Variants in MEGF6 observed in about 807,000 individuals in gnomAD.
MEGF6 encodes multiple EGF like domains 6.
MEGF6 carries 184 observed loss-of-function variants against 207.1 expected under a neutral mutation model. The ratio of observed to expected loss-of-function variants is 0.89; its 90% CI spans 0.79 to 1.00. MEGF6 has a LOEUF of 1.00. Among genes scored for constraint, MEGF6 ranks in the 50% least tolerant of loss-of-function variants. The probability of loss-of-function intolerance (pLI) is 0.00; values close to 1 mark genes in which losing one functional copy is unlikely to be tolerated. For synonymous variants in MEGF6, 1,038 were observed against 910.0 expected, an observed-to-expected ratio of 1.14 and a Z score of -2.53; for missense variants, 2,282 against 2,202.9, an observed-to-expected ratio of 1.04 and a Z score of -0.72.
At chr1:3,523,177 G>A (rs1641827788) in intron 5 of MEGF6, among the ~76,000 whole-genome samples, 1 of 152,126 alleles carries the variant, frequency 6.6e-6, no homozygotes, top group Admixed American at 6.5e-5. Flanking sequence ...GGGCCTCCAA[G>A]GCAGGAAGAA....
At chr1:3,624,047 AC>A in the MEGF6 span, among the ~76,000 whole-genome samples, 1 of 150,744 alleles carries the variant, frequency 6.6e-6, no homozygotes, top group Non-Finnish European at 1.5e-5. Context: ...CTCCATCCCC[AC>A]TCCCTGACTG....
At chr1:3,615,812 C>T (rs538554475), upstream of MEGF6, among the ~76,000 whole-genome samples, 1 of 152,304 alleles carries the variant, frequency 6.6e-6, no homozygotes, top group South Asian at 2.1e-4. Flanking sequence ...CACCTGGCCT[C>T]GACTGCTTCA....
At position 3,501,098 on chromosome 1, in the gene MEGF6, C is replaced by T; in HGVS notation, c.2447-4G>A. ...CCATACCAGCCTGCTGGGCACACTA[C>T]AGGCAGGCGAGAGAGGGTGAGTGGG... On this transcript the variant is annotated splice_polypyrimidine_tract_variant and splice_region_variant and intron_variant, in intron 19 of 36. Coordinates refer to ENST00000356575, the MANE Select transcript of MEGF6 (RefSeq NM_001409.4). The T allele has an allele frequency of 6.2e-7, 1 of 1,612,710 alleles. No homozygotes were observed. The highest frequency in any genetic ancestry group is 1.1e-5 in the South Asian group (1 of 91,076).
chr1:3,550,127 G>A (rs1208063126), intron 4 of MEGF6, among the ~76,000 whole-genome samples: 11 of 152,218 alleles, frequency 7.2e-5, no homozygotes, highest in African/African-American at 9.6e-5. Flanking sequence ...AACGGCTCCC[G>A]ACACAAGACA....
At chr1:3,570,657 CAAGA>C in intron 4 of MEGF6, among the ~76,000 whole-genome samples, 1 of 152,200 alleles carries the variant, frequency 6.6e-6, no homozygotes, top group Non-Finnish European at 1.5e-5. Flanking sequence ...ACCTTGCCTC[CAAGA>C]AAGACCACAT....
intron 6 of MEGF6, among the ~76,000 whole-genome samples, 185 bp from the exon 7 acceptor site, chr1:3,514,857 ACT>A (rs1187848221): frequency 1.3e-5 from 2 of 151,962 alleles, no homozygotes; most frequent in African/African-American, 2.4e-5. Context: ...CGCCGAGAAG[ACT>A]CTGCAGTCTC....
rs765115520 is a variant in MEGF6, at chr1:3,496,788, A to G, written c.3614-5T>C. ...CATACCGCCCGGGCGGACATCCTGC[A>G]GGGAGAGGGGCTAGCTGCAGGGGCT... On this transcript the variant is annotated splice_region_variant and splice_polypyrimidine_tract_variant and intron_variant, in intron 28 of 36. Coordinates refer to ENST00000356575, the MANE Select transcript of MEGF6 (RefSeq NM_001409.4). The G allele has an allele frequency of 1.9e-5, 29 of 1,554,472 alleles. No homozygotes were observed. Among genetic ancestry groups the G allele is most frequent in the Non-Finnish European group, 2.4e-5 (28 of 1,149,418 alleles).
chr1:3,510,216 C>G (rs1641286778), intron 10 of MEGF6, among the ~76,000 whole-genome samples: 1 of 152,066 alleles, frequency 6.6e-6, no homozygotes, highest in Non-Finnish European at 1.5e-5. Context: ...CTAGGGGGGG[C>G]CAGGCTGGGA....
intron 30 of MEGF6, among the ~76,000 whole-genome samples, chr1:3,495,084 T>C (rs541640181): frequency 1.5e-4 from 23 of 152,158 alleles, no homozygotes; most frequent in Non-Finnish European, 2.1e-4. Context: ...CGCTTGGGAG[T>C]GAAGGCACAT....
chr1:3,514,049 G>C lies in MEGF6; in HGVS notation c.853+501C>G, dbSNP rs1010682399. Among the ~76,000 whole-genome samples, 6 of 152,000 alleles carry C rather than the reference G, an allele frequency of 3.9e-5. No homozygotes were observed. In the East Asian group the frequency reaches 7.9e-4, roughly 20 times the overall value. On this transcript the variant is annotated intron_variant, in intron 7 of 36. Coordinates refer to ENST00000356575, the MANE Select transcript of MEGF6 (RefSeq NM_001409.4). Reference sequence around the variant, plus strand: ...GGATCACAAGGTCAGGAGATTGAGAGCATCCTGGCCAACATGGTGAAACCC... The same window carrying C: ...GGATCACAAGGTCAGGAGATTGAGACCATCCTGGCCAACATGGTGAAACCC...
intron 5 of MEGF6, among the ~76,000 whole-genome samples, chr1:3,517,085 G>A (rs1187310346): frequency 6.6e-6 from 1 of 152,252 alleles, no homozygotes; most frequent in Admixed American, 6.5e-5. Flanking sequence ...GCCTGCGCCG[G>A]CCCCGCCTTC....
At chr1:3,604,153 G>A (rs1256012571) in intron 1 of MEGF6, among the ~76,000 whole-genome samples, 1 of 152,196 alleles carries the variant, frequency 6.6e-6, no homozygotes, top group African/African-American at 2.4e-5. Flanking sequence ...CAGGTCTCCA[G>A]TCAAGTCCGA....
chr1:3,501,637 A>AC lies in MEGF6; in HGVS notation c.2314+158dup, dbSNP rs556575032. Among the ~76,000 whole-genome samples, 331 of 151,044 alleles carry AC rather than the reference A, an allele frequency of 2.2e-3. 2 individuals are homozygous for AC. Among genetic ancestry groups the AC allele is most frequent in the African/African-American group, 7.6e-3 (312 of 41,086 alleles). On this transcript the variant is annotated intron_variant, in intron 18 of 36. Transcript: ENST00000356575. ...CAGGAACTTGGTGGGGCAGCCACAG[A>AC]CCCCCCCTCCCTACCCCAGGGGAGT... is the stretch of plus-strand genomic sequence containing the variant.
chr1:3,603,310 A>G (rs1644190052), intron 1 of MEGF6, among the ~76,000 whole-genome samples: 1 of 151,118 alleles, frequency 6.6e-6, no homozygotes, highest in South Asian at 2.1e-4. Flanking sequence ...CTGCGGGGGG[A>G]AGGGTCAGAG....
chr1:3,509,293 C>T (rs780218620), intron 11 of MEGF6, 48 bp from the exon 12 acceptor site: 32 of 1,383,314 alleles, frequency 2.3e-5, no homozygotes, highest in Non-Finnish European at 2.9e-5. Flanking sequence ...CACCTGCCTG[C>T]TCCAGCGACC....
chr1:3,515,646 C>CAGCCACTCCG (rs2101090786), intron 5 of MEGF6, 119 bp from the exon 6 acceptor site: 3 of 1,260,134 alleles, frequency 2.4e-6, no homozygotes, highest in Non-Finnish European at 1.1e-6. Flanking sequence ...GGACCCCTCC[C>CAGCCACTCCG]AGCCACTCCG....
intron 4 of MEGF6, among the ~76,000 whole-genome samples, chr1:3,567,188 G>T (rs1467407456): frequency 6.6e-6 from 1 of 152,148 alleles, no homozygotes; most frequent in African/African-American, 2.4e-5. Context: ...AGCAGGAGCC[G>T]GGCCACACGG....
At chr1:3,541,779 G>A (rs546049956) in intron 4 of MEGF6, among the ~76,000 whole-genome samples, 26 of 152,274 alleles carry the variant, frequency 1.7e-4, no homozygotes, top group African/African-American at 6.3e-4. Flanking sequence ...GGGGATGGGT[G>A]GGAAGGGCAG....
chr1:3,507,978 A>AC, intron 13 of MEGF6, 55 bp from the exon 14 acceptor site: 4 of 1,576,956 alleles, frequency 2.5e-6, no homozygotes. Flanking sequence ...ACACTCTGAG[A>AC]CCCCTTCCTA....
Sources: gnomAD v4.1 joint callset for allele counts (sites outside exome capture counted in the v4.1 genomes callset) on GRCh38, gnomAD v4.1.1 for gene constraint, MANE v1.5 for transcripts, NCBI Gene and HGNC (gene_info 2026-07-23, HGNC 2026-07-21) for gene names.